The following MRTFB variants were observed in gnomAD, a reference collection of about 807,000 sequenced individuals.
MRTFB encodes myocardin-related transcription factor B.
A neutral mutation model predicts 104.2 loss-of-function variants in MRTFB; 29 were observed. The ratio of observed to expected loss-of-function variants is 0.28; its 90% CI spans 0.21 to 0.38. MRTFB has a LOEUF of 0.38. MRTFB is among the 10% of genes least tolerant of loss of function. The probability of loss-of-function intolerance (pLI) is 1.00; values close to 1 mark genes in which losing one functional copy is unlikely to be tolerated. For missense variants in MRTFB, 1,270 were observed against 1,341.6 expected, an observed-to-expected ratio of 0.95 and a Z score of 0.83; for synonymous variants, 535 against 519.5, an observed-to-expected ratio of 1.03 and a Z score of -0.41.
At chr16:14,135,103 C>T (rs1301921082) in intron 2 of MRTFB, among the ~76,000 whole-genome samples, 1 of 152,182 alleles carries the variant, frequency 6.6e-6, no homozygotes, top group Admixed American at 6.5e-5. Flanking sequence ...CTTTTTTCAG[C>T]GTTCTGGCCT....
At chr16:14,233,812 A>G (rs1300430685) in intron 8 of MRTFB, among the ~76,000 whole-genome samples, 1 of 148,500 alleles carries the variant, frequency 6.7e-6, no homozygotes, top group Non-Finnish European at 1.5e-5. Context: ...AAAGAATGCC[A>G]TGTATTGTTT....
At chr16:14,182,873 TAGG>T (rs1436073018) in intron 3 of MRTFB, among the ~76,000 whole-genome samples, 1 of 152,158 alleles carries the variant, frequency 6.6e-6, no homozygotes, top group African/African-American at 2.4e-5. Context: ...TTGCATGAAA[TAGG>T]AGACTGTAAG....
At chr16:14,190,454 T>G (rs1384187844) in intron 3 of MRTFB, among the ~76,000 whole-genome samples, 1 of 152,200 alleles carries the variant, frequency 6.6e-6, no homozygotes, top group Non-Finnish European at 1.5e-5. Context: ...TTGAGATGAT[T>G]TAATTCAGAT....
In MRTFB at chr16:14,262,622, C is replaced by G. The variant is rs2043816221; in HGVS notation, c.*1178C>G. The G allele has an allele frequency of 6.6e-6, 1 of 152,160 alleles. No individual in the cohort carries two copies. The highest frequency in any genetic ancestry group is 1.5e-5 in the Non-Finnish European group (1 of 68,034). The allele number at this position is 152,160 out of a possible 1,614,324, so 9.4% of individuals were successfully genotyped here. A position where few individuals can be genotyped will look rare whatever the true frequency, so the allele number is the denominator to read the frequency against. On this transcript the variant is annotated 3_prime_UTR_variant, in exon 17 of 17. Transcript: ENST00000571589. ...TGTAACTGGATATTCTACCAGAGCT[C>G]TCACTATATTGTCAAGCCTAAGATT...
chr16:14,116,365 G>A (rs774984937), intron 2 of MRTFB, among the ~76,000 whole-genome samples: 3 of 151,954 alleles, frequency 2.0e-5, no homozygotes, highest in African/African-American at 4.8e-5. Context: ...GTACCCTACC[G>A]TTGTGTTTGG....
At chr16:14,149,712 C>T (rs2038516033) in intron 3 of MRTFB, among the ~76,000 whole-genome samples, 1 of 152,168 alleles carries the variant, frequency 6.6e-6, no homozygotes, top group Non-Finnish European at 1.5e-5. Flanking sequence ...GCCTCTAGTA[C>T]AATGTTGAAA....
At chr16:13,996,866 C>T in the MRTFB span, among the ~76,000 whole-genome samples, 6 of 152,154 alleles carry the variant, frequency 3.9e-5, no homozygotes, top group Admixed American at 2.6e-4. Context: ...TTCTATTAGC[C>T]GCGTGGGGCC....
intron 8 of MRTFB, among the ~76,000 whole-genome samples, chr16:14,225,248 C>A (rs573199939): frequency 1.3e-5 from 2 of 152,232 alleles, no homozygotes; most frequent in East Asian, 3.9e-4. Context: ...TAATTTTGGT[C>A]TGTAACTCTA....
At chr16:14,194,965 A>G (rs916324662) in intron 3 of MRTFB, among the ~76,000 whole-genome samples, 1 of 152,180 alleles carries the variant, frequency 6.6e-6, no homozygotes, top group Non-Finnish European at 1.5e-5. Flanking sequence ...TGTGGGGCAA[A>G]GTAAAACCAA....
intron 3 of MRTFB, among the ~76,000 whole-genome samples, chr16:14,161,977 T>C (rs533169693): frequency 6.0e-4 from 91 of 152,142 alleles, no homozygotes; most frequent in African/African-American, 2.0e-3. Flanking sequence ...AGAATTACAC[T>C]TCTAGATTGA....
chr16:14,146,663 T>C (rs1325548225), intron 3 of MRTFB, among the ~76,000 whole-genome samples: 1 of 152,204 alleles, frequency 6.6e-6, no homozygotes, highest in East Asian at 1.9e-4. Context: ...CCTCACACTA[T>C]AGAAAATGAA....
chr16:14,254,206 T>G (rs557650898), intron 15 of MRTFB, among the ~76,000 whole-genome samples: 46 of 152,330 alleles, frequency 3.0e-4, no homozygotes, highest in African/African-American at 1.1e-3. Flanking sequence ...CAAACTTCGT[T>G]TAAATACATT....
chr16:14,081,384 C>T (rs2034390421), intron 2 of MRTFB, among the ~76,000 whole-genome samples: 1 of 151,852 alleles, frequency 6.6e-6, no homozygotes, highest in Non-Finnish European at 1.5e-5. Context: ...CCTCCGCCTC[C>T]CGGATTCAAG....
intron 2 of MRTFB, among the ~76,000 whole-genome samples, chr16:14,106,717 A>G (rs2035998299): frequency 6.6e-6 from 1 of 152,190 alleles, no homozygotes; most frequent in South Asian, 2.1e-4. Context: ...TCATGTTTTT[A>G]AAACATTTCC....
the MRTFB span, among the ~76,000 whole-genome samples, chr16:14,062,402 G>A: frequency 6.6e-6 from 1 of 152,160 alleles, no homozygotes; most frequent in South Asian, 2.1e-4. Flanking sequence ...CCAGCCTCCA[G>A]GATCTTTTGG....
chr16:14,255,137 A>G (rs1365068810), intron 15 of MRTFB, among the ~76,000 whole-genome samples: 1 of 152,256 alleles, frequency 6.6e-6, no homozygotes, highest in Non-Finnish European at 1.5e-5. Flanking sequence ...TGTGAAGTGA[A>G]CACAGCCCAG....
At chr16:14,099,828 C>G (rs969572603) in intron 2 of MRTFB, among the ~76,000 whole-genome samples, 1 of 152,000 alleles carries the variant, frequency 6.6e-6, no homozygotes, top group Non-Finnish European at 1.5e-5. Context: ...CCACCACGCC[C>G]AGCTAATTTT....
chr16:14,213,886 T>C (rs2041303312), intron 6 of MRTFB, among the ~76,000 whole-genome samples: 3 of 152,188 alleles, frequency 2.0e-5, no homozygotes, highest in Admixed American at 2.0e-4. Context: ...ACTAAAAAAA[T>C]TGGGGTCCAG....
intron 3 of MRTFB, among the ~76,000 whole-genome samples, chr16:14,162,170 AAAAAT>A (rs1296677147): frequency 1.1e-3 from 168 of 148,758 alleles, no homozygotes; most frequent in African/African-American, 3.9e-3. Context: ...AAAAAAAAAA[AAAAAT>A]TATTTTTTAA....
Sources: allele counts gnomAD v4.1 joint callset (sites outside exome capture counted in the v4.1 genomes callset), GRCh38; gene constraint gnomAD v4.1.1; transcripts MANE v1.5; gene names NCBI Gene and HGNC (gene_info 2026-07-23, HGNC 2026-07-21).